The following CAMTA1 variants were observed in gnomAD, a reference collection of about 807,000 sequenced individuals.
CAMTA1 encodes calmodulin binding transcription activator 1.
Under a neutral mutation model 170.9 loss-of-function variants are expected in CAMTA1, and 27 were observed. The observed-to-expected ratio is 0.16, with a 90% CI of 0.12 to 0.22. The LOEUF (loss-of-function observed/expected upper bound fraction) is 0.22. CAMTA1 is among the 10% of genes least tolerant of loss of function. CAMTA1 has a pLI of 1.00. For missense variants in CAMTA1, 1,619 were observed against 2,217.2 expected, an observed-to-expected ratio of 0.73 and a Z score of 5.42; for synonymous variants, 833 against 891.5, an observed-to-expected ratio of 0.93 and a Z score of 1.17.
rs143723095 is a variant in CAMTA1 at position 7,325,850 on chromosome 1, TTTTG to T, written c.438+76244_438+76247del. Among the ~76,000 whole-genome samples, 6 of 151,606 alleles carry T rather than the reference TTTTG, an allele frequency of 4.0e-5. No homozygotes were observed. The highest frequency in any genetic ancestry group is 7.4e-5 in the Non-Finnish European group (5 of 67,874). Reference sequence around the variant, plus strand: ...GGTTTGGTTTGTTGTTGGTGGGTTTTTTTGTTTGTTTGTTTGTTTGTTTTATGAG... The same window carrying T: ...GGTTTGGTTTGTTGTTGGTGGGTTTTTTTGTTTGTTTGTTTGTTTTATGAG... On this transcript the variant is annotated intron_variant, in intron 5 of 22. Transcript: ENST00000303635. This position sits in a 1 kb window ranked among gnomAD's most constrained non-coding sequence, Gnocchi z 5.0.
chr1:6,937,749 A>C (rs1181940988), intron 3 of CAMTA1, among the ~76,000 whole-genome samples: 23 of 103,640 alleles, frequency 2.2e-4, no homozygotes, highest in South Asian at 6.4e-4. Flanking sequence ...TCACCATCAT[A>C]ATCATCACTA....
chr1:7,733,678 A>AT lies in CAMTA1; in HGVS notation c.3066+1079_3066+1080insT, dbSNP rs200505240. Among the ~76,000 whole-genome samples the AT allele has an allele frequency of 6.1e-3, 924 of 152,020 alleles. 18 individuals are homozygous for AT. Among genetic ancestry groups the AT allele is most frequent in the Non-Finnish European group, 4.3e-3 (294 of 67,956 alleles). ...TCCACTACTCAGTCGTTGCAAAAAAAACCTCAAATAATGCCCCCTCTTTCT... is the reference window on the plus strand; with the variant it reads ...TCCACTACTCAGTCGTTGCAAAAAAATACCTCAAATAATGCCCCCTCTTTCT... On this transcript the variant is annotated intron_variant, in intron 12 of 22. Coordinates refer to ENST00000303635, the MANE Select transcript of CAMTA1 (RefSeq NM_015215.4).
chr1:7,264,232 A>G (rs950901607), intron 5 of CAMTA1, among the ~76,000 whole-genome samples: 1 of 152,202 alleles, frequency 6.6e-6, no homozygotes, highest in African/African-American at 2.4e-5. Flanking sequence ...GAGATGCTGC[A>G]TTGATAGCAA....
intron 4 of CAMTA1, among the ~76,000 whole-genome samples, chr1:7,119,236 CAA>C (rs1267968253): frequency 6.6e-6 from 1 of 152,210 alleles, no homozygotes; most frequent in East Asian, 1.9e-4. Context: ...CAAAACCAAT[CAA>C]GAGCCACTGC....
chr1:7,043,398 C>T (rs934228146), intron 3 of CAMTA1, among the ~76,000 whole-genome samples: 1 of 152,106 alleles, frequency 6.6e-6, no homozygotes, highest in Non-Finnish European at 1.5e-5. Context: ...CGTGCCTGCT[C>T]CGTCAGGTGG....
At chr1:7,629,631 T>A (rs914276602) in intron 6 of CAMTA1, among the ~76,000 whole-genome samples, 1 of 152,198 alleles carries the variant, frequency 6.6e-6, no homozygotes, top group African/African-American at 2.4e-5. Context: ...TCCTCTCCAC[T>A]GTTATCTTTC....
At chr1:6,997,778 A>G (rs1347648058) in intron 3 of CAMTA1, among the ~76,000 whole-genome samples, 2 of 143,998 alleles carry the variant, frequency 1.4e-5, no homozygotes, top group Non-Finnish European at 3.0e-5. Context: ...CTCCTGCCTT[A>G]GCCTCTGGAG....
intron 3 of CAMTA1, among the ~76,000 whole-genome samples, chr1:6,843,821 A>G (rs1656853557): frequency 6.6e-6 from 1 of 152,208 alleles, no homozygotes; most frequent in East Asian, 1.9e-4. Flanking sequence ...ACATACTCCC[A>G]CAACAGCTTC....
At chr1:7,737,761 G>A (rs2096782762) in intron 15 of CAMTA1, among the ~76,000 whole-genome samples, 191 bp downstream of exon 15, 1 of 152,196 alleles carries the variant, frequency 6.6e-6, no homozygotes, top group Non-Finnish European at 1.5e-5. Context: ...AAAATTCTAT[G>A]TTCATGCAAG....
In CAMTA1 at chr1:7,641,358, C is replaced by T. The variant is rs2095759264; in HGVS notation, c.664+805C>T. 6.6e-6 allele frequency among the ~76,000 whole-genome samples: 1 copy of T among 152,212 alleles called. No homozygotes were observed. The highest frequency in any genetic ancestry group is 1.5e-5 in the Non-Finnish European group (1 of 68,040). On this transcript the variant is annotated intron_variant, in intron 7 of 22. Coordinates refer to ENST00000303635, the MANE Select transcript of CAMTA1 (RefSeq NM_015215.4). This position sits in a 1 kb window ranked among gnomAD's most constrained non-coding sequence, Gnocchi z 4.5. ...GCTCAGGGCAAGGACCTGCCATCAG[C>T]AGGGCCTGAGGGGGTGGGTCAGTGG...
At chr1:7,039,158 T>C (rs890744355) in intron 3 of CAMTA1, among the ~76,000 whole-genome samples, 3 of 152,220 alleles carry the variant, frequency 2.0e-5, no homozygotes, top group Non-Finnish European at 4.4e-5. Context: ...AATGTGACTT[T>C]TACTTTATGC....
At chr1:7,302,870 A>G (rs4908454) in intron 5 of CAMTA1, among the ~76,000 whole-genome samples, 117,701 of 152,006 alleles carry the variant, frequency 0.77, 45,769 homozygotes, top group East Asian at 0.85. Flanking sequence ...AATCTGCAGC[A>G]GAATTAATCT....
chr1:7,551,883 C>T (rs559294902), intron 6 of CAMTA1, among the ~76,000 whole-genome samples: 55 of 152,314 alleles, frequency 3.6e-4, no homozygotes, highest in African/African-American at 1.3e-3. Context: ...GAACCAAGCA[C>T]AGAAAAACCC....
intron 16 of CAMTA1, among the ~76,000 whole-genome samples, chr1:7,743,044 G>T (rs1044969225): frequency 1.3e-5 from 2 of 152,142 alleles, no homozygotes; most frequent in Non-Finnish European, 2.9e-5. Flanking sequence ...GTAGAGACAG[G>T]GTTTCGCCAT....
chr1:7,208,930 C>G (rs546017057), intron 4 of CAMTA1, among the ~76,000 whole-genome samples: 1 of 152,262 alleles, frequency 6.6e-6, no homozygotes, highest in African/African-American at 2.4e-5. Flanking sequence ...CATTGCTGGG[C>G]CGACTGGCTG....
chr1:7,335,159 G>GTGTGTGTGTGTGTGT (rs1362841684), intron 5 of CAMTA1, among the ~76,000 whole-genome samples: 1 of 12,890 alleles, frequency 7.8e-5, no homozygotes, highest in African/African-American at 3.8e-4. Context: ...GGGGGGGGGT[G>GTGTGTGTGTGTGTGT]GGGGTGGGGG....
intron 3 of CAMTA1, among the ~76,000 whole-genome samples, chr1:6,899,554 G>GCACACACACACACACACACACA (rs70984034): frequency 7.1e-6 from 1 of 141,086 alleles, no homozygotes; most frequent in Non-Finnish European, 1.6e-5. Flanking sequence ...ACGCGCGCGC[G>GCACACACACACACACACACACA]CACACACACA....
At chr1:7,400,197 A>T (rs1005924834) in intron 5 of CAMTA1, among the ~76,000 whole-genome samples, 2 of 152,192 alleles carry the variant, frequency 1.3e-5, no homozygotes, top group African/African-American at 4.8e-5. Flanking sequence ...ACTGTGGGTT[A>T]TTTCAAAAGA....
chr1:7,104,858 ATTATTC>A (rs1318644402), intron 4 of CAMTA1, among the ~76,000 whole-genome samples: 1 of 152,198 alleles, frequency 6.6e-6, no homozygotes, highest in Non-Finnish European at 1.5e-5. Context: ...CATGGGGGGA[ATTATTC>A]TTAGATATAA....
Sources: gnomAD v4.1 joint callset for allele counts (sites outside exome capture counted in the v4.1 genomes callset) on GRCh38, gnomAD v4.1.1 for gene constraint, Gnocchi (gnomAD v3.1) non-coding constraint, MANE v1.5 for transcripts, NCBI Gene and HGNC (gene_info 2026-07-23, HGNC 2026-07-21) for gene names.